The following PHIP variants were observed in gnomAD, a reference collection of about 807,000 sequenced individuals.
PHIP encodes PH-interacting protein.
Under a neutral mutation model 236.8 loss-of-function variants are expected in PHIP, and 54 were observed. The ratio of observed to expected loss-of-function variants is 0.23; its 90% CI spans 0.18 to 0.29. PHIP has a LOEUF of 0.29. PHIP is among the 10% of genes least tolerant of loss of function. The pLI is 1.00. For missense variants in PHIP, 1,370 were observed against 2,190.8 expected, an observed-to-expected ratio of 0.63 and a Z score of 7.48; for synonymous variants, 756 against 718.9, an observed-to-expected ratio of 1.05 and a Z score of -0.83.
chr6:78,996,284 C>A (rs184572210), intron 19 of PHIP, among the ~76,000 whole-genome samples: 2 of 152,276 alleles, frequency 1.3e-5, no homozygotes, highest in Admixed American at 6.5e-5. Flanking sequence ...AAAACTGTGG[C>A]CCACTGCTAT....
At chr6:78,991,327 A>C (rs1322437400) in intron 19 of PHIP, among the ~76,000 whole-genome samples, 1 of 144,388 alleles carries the variant, frequency 6.9e-6, no homozygotes, top group African/African-American at 2.6e-5. Flanking sequence ...TTTTTTTAGG[A>C]TAGGGCCTAT....
intron 6 of PHIP, among the ~76,000 whole-genome samples, chr6:79,055,251 T>C (rs1435059130): frequency 6.6e-6 from 1 of 152,142 alleles, no homozygotes; most frequent in Non-Finnish European, 1.5e-5. Context: ...TCAGCAGAAA[T>C]TGCTTTAATT....
rs371565470 is a variant in PHIP at position 78,954,795 on chromosome 6, T to C, written c.4053+19A>G. 1.6e-5 allele frequency: 24 copies of C among 1,541,374 alleles called. No individual in the cohort carries two copies. The highest frequency in any genetic ancestry group is 1.4e-4 in the African/African-American group (10 of 70,938). On this transcript the variant is annotated intron_variant, in intron 35 of 39. Coordinates refer to ENST00000275034, the MANE Select transcript of PHIP (RefSeq NM_017934.7). ...GTAGCAAACTGACAGGTAAAGAAAATATTTTCAAAAATACTTACTGGATAT... is the reference window on the plus strand; with the variant it reads ...GTAGCAAACTGACAGGTAAAGAAAACATTTTCAAAAATACTTACTGGATAT...
chr6:79,077,594 A>ACCCCGAG (rs1774240503), intron 3 of PHIP, 87 bp from the exon 4 acceptor site: 1 of 692,090 alleles, frequency 1.4e-6, no homozygotes, highest in Non-Finnish European at 1.7e-6. Context: ...CCCGGCGGGG[A>ACCCCGAG]CCCCGAGCCC....
chr6:78,964,087 G>T (rs1766971181), intron 29 of PHIP, among the ~76,000 whole-genome samples: 1 of 152,094 alleles, frequency 6.6e-6, no homozygotes, highest in African/African-American at 2.4e-5. Context: ...ATTCACAACA[G>T]TTCAATGTGA....
chr6:79,025,738 C>A, intron 8 of PHIP, 119 bp from the exon 9 acceptor site: 1 of 741,218 alleles, frequency 1.3e-6, no homozygotes, highest in South Asian at 1.7e-5. Flanking sequence ...AAGAATTTAC[C>A]AAGGTTATGT....
intron 6 of PHIP, among the ~76,000 whole-genome samples, chr6:79,048,827 G>A (rs183064086): frequency 5.0e-4 from 76 of 152,272 alleles, no homozygotes; most frequent in Non-Finnish European, 9.0e-4. Flanking sequence ...AGCCCTGCTG[G>A]CAGCCTAATG....
intron 25 of PHIP, among the ~76,000 whole-genome samples, chr6:78,970,512 A>G (rs1258501730): frequency 6.6e-6 from 1 of 152,210 alleles, no homozygotes; most frequent in African/African-American, 2.4e-5. Context: ...TTACGAATAC[A>G]AAGCTTACTT....
At chr6:79,077,791 G>A in intron 2 of PHIP, 62 bp from the exon 3 acceptor site, 1 of 980,570 alleles carries the variant, frequency 1.0e-6, no homozygotes, top group Non-Finnish European at 1.2e-6. Context: ...CGCCGCCGCC[G>A]CCTCCCTCCC....
rs547689792 is a variant in PHIP at position 79,013,581 on chromosome 6, AT to A, written c.1524+1500del. On this transcript the variant is annotated intron_variant, in intron 15 of 39. Transcript: ENST00000275034. ...ACTTCTACTCCTGGTTACATTACTA[AT>A]TTTTAATGGTCTAAGAGCAAATCAC... Among the ~76,000 whole-genome samples, 22 of 151,844 alleles carry A rather than the reference AT, an allele frequency of 1.4e-4. No homozygotes were observed. The South Asian group carries it at 4.6e-3, about 31-fold the overall frequency.
In PHIP at chr6:79,025,632, T is replaced by G; in HGVS notation, c.823-13A>C. On this transcript the variant is annotated splice_polypyrimidine_tract_variant and intron_variant, in intron 8 of 39. Transcript: ENST00000275034. ...ACAATGGTGAGAACTGAAAAGACAA[T>G]CACAGAAAAAAAATCTTTACAAGAG... The G allele has an allele frequency of 6.6e-7, 1 of 1,515,780 alleles. No homozygotes were observed. The highest frequency in any genetic ancestry group is 2.3e-5 in the East Asian group (1 of 44,320). The allele number at this position is 1,515,780 out of a possible 1,614,324, so 93.9% of individuals were successfully genotyped here.
intron 7 of PHIP, among the ~76,000 whole-genome samples, chr6:79,029,907 A>G (rs1485123190): frequency 6.6e-6 from 1 of 152,210 alleles, no homozygotes; most frequent in Non-Finnish European, 1.5e-5. Context: ...ATTTGAACGG[A>G]TACACTCTCT....
rs187336569 is a variant in PHIP, at chr6:78,991,033, T to C, written c.2202-48A>G. 30 of 1,127,552 alleles carry C rather than the reference T, an allele frequency of 2.7e-5. No individual in the cohort carries two copies. In the African/African-American group the frequency reaches 3.8e-4, roughly 14 times the overall value. 69.8% of individuals were successfully genotyped at this position (1,127,552 alleles called of 1,614,324 possible). ...ATTAATCTAGAATTTTACACATAAC[T>C]TTCCTCCAAAAGGAATGTTAGGTAT... On this transcript the variant is annotated intron_variant, in intron 19 of 39. Coordinates refer to ENST00000275034, the MANE Select transcript of PHIP (RefSeq NM_017934.7).
intron 32 of PHIP, chr6:78,958,179 T>C: frequency 4.8e-6 from 1 of 207,080 alleles, no homozygotes; most frequent in Non-Finnish European, 9.6e-6. Flanking sequence ...CTATTATTAT[T>C]GTCTAACAGT....
intron 35 of PHIP, among the ~76,000 whole-genome samples, chr6:78,953,889 G>A (rs1209389933): frequency 6.6e-6 from 1 of 151,842 alleles, no homozygotes; most frequent in Non-Finnish European, 1.5e-5. Flanking sequence ...CCCGACCCCT[G>A]AACTATATAA....
In PHIP at chr6:78,940,972, G is replaced by C; in HGVS notation, c.5187C>G (p.Leu1729=). 1.2e-6 allele frequency: 2 copies of C among 1,613,760 alleles called. No individual in the cohort carries two copies. The highest frequency in any genetic ancestry group is 2.7e-5 in the African/African-American group (2 of 75,020). ...KMKTQKLDAD[L]LVPASVKVLR... is the part of the protein sequence containing the mutation. ...ACACTTTGACACTTGCAGGGACTAG[G>C]AGATCTGCATCTAATTTTTGTGTCT... is the stretch of plus-strand genomic sequence containing the variant. Residue 1729 remains leucine, a synonymous_variant, in exon 40 of 40, where the codon CTC becomes CTG. Coordinates refer to ENST00000275034, the MANE Select transcript of PHIP (RefSeq NM_017934.7).
chr6:79,067,052 T>C (rs1188393132), intron 4 of PHIP, among the ~76,000 whole-genome samples: 1 of 152,066 alleles, frequency 6.6e-6, no homozygotes, highest in Non-Finnish European at 1.5e-5. Context: ...TCACACCTAA[T>C]TTTTATTTTA....
chr6:79,042,316 T>C (rs954628208), intron 7 of PHIP, among the ~76,000 whole-genome samples: 5 of 151,924 alleles, frequency 3.3e-5, no homozygotes, highest in Non-Finnish European at 5.9e-5. Flanking sequence ...ATCAGATATT[T>C]TGAAGAATGA....
intron 7 of PHIP, among the ~76,000 whole-genome samples, chr6:79,032,634 T>C (rs111927544): frequency 0.02 from 2,999 of 152,182 alleles, 94 homozygotes; most frequent in African/African-American, 0.068. Flanking sequence ...TTTAGTTATC[T>C]TGCTATTGCA....
Sources: allele counts gnomAD v4.1 joint callset (sites outside exome capture counted in the v4.1 genomes callset), GRCh38; gene constraint gnomAD v4.1.1; transcripts MANE v1.5; gene names NCBI Gene and HGNC (gene_info 2026-07-23, HGNC 2026-07-21).